CFAP20DC: variants seen among roughly 807,000 people sequenced by gnomAD.
CFAP20DC encodes the protein CFAP20 domain containing, also known as protein CFAP20DC.
CFAP20DC carries 84 observed loss-of-function variants against 101.7 expected under a neutral mutation model. That is an observed-to-expected ratio of 0.83 (90% CI 0.69 to 0.99). The LOEUF (loss-of-function observed/expected upper bound fraction) is 0.99. Ranked by LOEUF, CFAP20DC falls within the 50% of genes least tolerant of loss-of-function variation. The probability of loss-of-function intolerance (pLI) is 0.00; values close to 1 mark genes in which losing one functional copy is unlikely to be tolerated. For synonymous variants in CFAP20DC, 359 were observed against 351.2 expected (o/e 1.02, Z -0.25); for missense variants, 1,007 against 970.3 (o/e 1.04, Z -0.50).
rs1433240629 is a variant in CFAP20DC at position 58,869,711 on chromosome 3, A to G, written c.853-221T>C. On this transcript the variant is annotated intron_variant, in intron 8 of 16. Transcript: ENST00000482387. This position sits in a 1 kb window ranked among gnomAD's most constrained non-coding sequence, Gnocchi z 4.3. ...GAAGACATGCAAGTCTCCTAGACAC[A>G]TAAATTAAAATGTGCTTATTTGCTA... Among the ~76,000 whole-genome samples the G allele has an allele frequency of 1.3e-5, 2 of 152,238 alleles. No individual in the cohort carries two copies. Among genetic ancestry groups the G allele is most frequent in the African/African-American group, 4.8e-5 (2 of 41,464 alleles).
intron 15 of CFAP20DC, among the ~76,000 whole-genome samples, chr3:58,777,658 A>G (rs1467090692): frequency 6.6e-6 from 1 of 152,238 alleles, no homozygotes; most frequent in Non-Finnish European, 1.5e-5. Context: ...TTTCTACAGG[A>G]CAGACTTAAA....
intron 14 of CFAP20DC, among the ~76,000 whole-genome samples, chr3:58,820,099 A>G (rs570508264): frequency 2.6e-4 from 39 of 152,044 alleles, no homozygotes; most frequent in African/African-American, 9.2e-4. Flanking sequence ...ACAACCCTTC[A>G]TGCTAAGAAC....
intron 15 of CFAP20DC, among the ~76,000 whole-genome samples, chr3:58,759,689 C>A (rs1455618676): frequency 6.6e-6 from 1 of 152,070 alleles, no homozygotes; most frequent in African/African-American, 2.4e-5. Context: ...AAGTCTTTAA[C>A]CCATCTTGAA....
intron 15 of CFAP20DC, among the ~76,000 whole-genome samples, chr3:58,778,041 T>C (rs963363117): frequency 6.6e-6 from 1 of 152,214 alleles, no homozygotes; most frequent in Non-Finnish European, 1.5e-5. Context: ...CATTTTCATG[T>C]GTCCCAAGGA....
intron 5 of CFAP20DC, among the ~76,000 whole-genome samples, chr3:58,915,704 A>G (rs1251000982): frequency 6.6e-6 from 1 of 152,134 alleles, no homozygotes; most frequent in Non-Finnish European, 1.5e-5. Flanking sequence ...TTATTTGAAA[A>G]AAACATTTTA....
intron 15 of CFAP20DC, among the ~76,000 whole-genome samples, chr3:58,756,914 G>A (rs2069000975): frequency 6.6e-6 from 1 of 151,964 alleles, no homozygotes; most frequent in African/African-American, 2.4e-5. Context: ...TTTTACAGCA[G>A]CATAATACGT....
chr3:58,806,707 A>C (rs2107735069), intron 14 of CFAP20DC, among the ~76,000 whole-genome samples: 1 of 152,320 alleles, frequency 6.6e-6, no homozygotes, highest in South Asian at 2.1e-4. Context: ...GGAGTGCCAG[A>C]TAGTGGGTGC....
At chr3:58,756,929 C>T (rs1236023928) in intron 15 of CFAP20DC, among the ~76,000 whole-genome samples, 1 of 152,024 alleles carries the variant, frequency 6.6e-6, no homozygotes, top group African/African-American at 2.4e-5. Context: ...ATACGTTACC[C>T]TATGGAGGTA....
intron 4 of CFAP20DC, among the ~76,000 whole-genome samples, chr3:59,039,177 T>A (rs183215367): frequency 2.4e-4 from 36 of 152,108 alleles, no homozygotes; most frequent in African/African-American, 8.4e-4. Context: ...TAAAATAAGA[T>A]ATTTCAATCA....
At chr3:58,764,815 G>A (rs545365464) in intron 15 of CFAP20DC, among the ~76,000 whole-genome samples, 152 of 152,178 alleles carry the variant, frequency 1.0e-3, no homozygotes, top group African/African-American at 3.4e-3. Context: ...TCCTCTTGAG[G>A]ACTCAGGTAT....
intron 15 of CFAP20DC, among the ~76,000 whole-genome samples, chr3:58,792,973 G>A (rs190207006): frequency 8.1e-4 from 123 of 152,124 alleles, no homozygotes; most frequent in Middle Eastern, 3.4e-3. Flanking sequence ...TTTCCTGTAA[G>A]GGCACTGCTG....
At chr3:58,880,414 T>A (rs2081147228) in intron 7 of CFAP20DC, among the ~76,000 whole-genome samples, 1 of 152,184 alleles carries the variant, frequency 6.6e-6, no homozygotes, top group Non-Finnish European at 1.5e-5. Flanking sequence ...TATAGCTGCA[T>A]GATATCTTAT....
intron 4 of CFAP20DC, among the ~76,000 whole-genome samples, chr3:58,946,113 A>ATTTTT (rs57865077): frequency 1.6e-5 from 2 of 123,826 alleles, no homozygotes; most frequent in Non-Finnish European, 3.3e-5. Flanking sequence ...AACTGCCCCA[A>ATTTTT]TTTTTTTTTT....
At chr3:58,995,259 T>A (rs1045671278) in intron 4 of CFAP20DC, among the ~76,000 whole-genome samples, 1 of 152,076 alleles carries the variant, frequency 6.6e-6, no homozygotes, top group Admixed American at 6.5e-5. Flanking sequence ...TCAAATCTAT[T>A]TTTTAGCCCA....
At chr3:59,031,161 C>T (rs2093987851) in intron 4 of CFAP20DC, among the ~76,000 whole-genome samples, 1 of 152,026 alleles carries the variant, frequency 6.6e-6, no homozygotes, top group African/African-American at 2.4e-5. Context: ...CAGTCTATTG[C>T]CTTGGCTAAA....
chr3:58,909,188 G>A (rs1576260258), intron 6 of CFAP20DC, among the ~76,000 whole-genome samples: 1 of 152,148 alleles, frequency 6.6e-6, no homozygotes, highest in Non-Finnish European at 1.5e-5. Context: ...TAAGTTCATC[G>A]ATTGTAACAT....
At chr3:58,916,430 T>C (rs1458195511) in intron 5 of CFAP20DC, among the ~76,000 whole-genome samples, 1 of 152,088 alleles carries the variant, frequency 6.6e-6, no homozygotes, top group East Asian at 1.9e-4. Flanking sequence ...TTATCCATCA[T>C]GGTCACGCTC....
At chr3:58,810,275 C>G (rs1002972132) in intron 14 of CFAP20DC, among the ~76,000 whole-genome samples, 4 of 152,064 alleles carry the variant, frequency 2.6e-5, no homozygotes, top group Non-Finnish European at 4.4e-5. Context: ...GACCAATATC[C>G]TTGATGAACA....
At chr3:58,977,512 C>T (rs1332222136) in intron 4 of CFAP20DC, among the ~76,000 whole-genome samples, 1 of 152,106 alleles carries the variant, frequency 6.6e-6, no homozygotes, top group East Asian at 1.9e-4. Flanking sequence ...TGACTGTAGC[C>T]AGGAAGCTAT....
Sources: gnomAD v4.1 joint callset for allele counts (sites outside exome capture counted in the v4.1 genomes callset) on GRCh38, gnomAD v4.1.1 for gene constraint, Gnocchi (gnomAD v3.1) non-coding constraint, MANE v1.5 for transcripts, NCBI Gene and HGNC (gene_info 2026-07-23, HGNC 2026-07-21) for gene names.